The following SLC6A5 variants were observed in gnomAD, a reference collection of about 807,000 sequenced individuals.
SLC6A5 encodes the protein sodium- and chloride-dependent glycine transporter 2.
SLC6A5 carries 58 observed loss-of-function variants against 90.5 expected under a neutral mutation model. That is an observed-to-expected ratio of 0.64 (90% CI 0.52 to 0.80). The LOEUF (loss-of-function observed/expected upper bound fraction) is 0.80, where lower values mean the gene tolerates loss of function less well. Ranked by LOEUF, SLC6A5 falls within the 30% of genes least tolerant of loss-of-function variation. The probability of loss-of-function intolerance (pLI) is 0.00; values close to 1 mark genes in which losing one functional copy is unlikely to be tolerated. For missense variants in SLC6A5, 1,015 were observed against 1,017.6 expected, an observed-to-expected ratio of 1.00 and a Z score of 0.03; for synonymous variants, 427 against 401.4, an observed-to-expected ratio of 1.06 and a Z score of -0.76.
Position 20,601,550 on chromosome 11 carries a change from A to G in SLC6A5, c.425A>G (p.Glu142Gly), listed in dbSNP as rs1253870100. The G allele has an allele frequency of 1.2e-6, 2 of 1,614,142 alleles. No individual in the cohort carries two copies. The highest frequency in any genetic ancestry group is 1.7e-6 in the Non-Finnish European group (2 of 1,179,990). ...GTGAGTGTGGGCAAGGGCACCCTGG[A>G]GCGGAACAATACCCCTGTTGTGGGC... ...ANVSVGKGTL[E>G]RNNTPVVGWV... is the part of the protein sequence containing the mutation. The change falls in exon 2 of 16, where the codon GAG becomes GGG. Residue 142 changes from glutamate (E) to glycine (G), a missense_variant. Transcript: ENST00000525748.
chr11:20,601,245 T>C lies in SLC6A5; in HGVS notation c.120T>C (p.Leu40=), dbSNP rs1294463612. ...CCAGGACGAGCCCGGAGCAGGAGCT[T>C]CCCGCGGCTGCCGCCCCGCCGCCGC... is the stretch of plus-strand genomic sequence containing the variant. ...CAPRTSPEQE[L]PAAAAPPPPR... The change falls in exon 2 of 16, where the codon CTT becomes CTC. Residue 40 remains leucine, a synonymous_variant. Transcript: ENST00000525748. 1 of 1,582,764 alleles carries C rather than the reference T, an allele frequency of 6.3e-7. No individual in the cohort carries two copies. The highest frequency in any genetic ancestry group is 1.1e-5 in the South Asian group (1 of 88,908).
At chr11:20,643,055 T>A (rs1853343662) in intron 13 of SLC6A5, among the ~76,000 whole-genome samples, 1 of 152,140 alleles carries the variant, frequency 6.6e-6, no homozygotes, top group Admixed American at 6.5e-5. Context: ...CATGACCCCC[T>A]CCTCTTACAG....
At chr11:20,611,629 G>C (rs1565274679) in intron 5 of SLC6A5, among the ~76,000 whole-genome samples, 1 of 152,104 alleles carries the variant, frequency 6.6e-6, no homozygotes, top group Admixed American at 6.5e-5. Context: ...CTATCTCCTT[G>C]TTCAGTGGCT....
intron 15 of SLC6A5, among the ~76,000 whole-genome samples, chr11:20,654,357 G>A (rs1448727863): frequency 6.9e-6 from 1 of 144,620 alleles, no homozygotes; most frequent in Non-Finnish European, 1.6e-5. Context: ...GTTTGGCAGT[G>A]AAGAGAGAAG....
rs774730423 is a variant in SLC6A5, at chr11:20,626,832, C to A, written c.1385C>A (p.Thr462Lys). ...YFITPKWEKL[T>K]DATVWKDAAT... Reference sequence around the variant, plus strand: ...ATCACACCCAAGTGGGAGAAACTCACGGATGCCACGGTGGGCTTCTAATTT... The same window carrying A: ...ATCACACCCAAGTGGGAGAAACTCAAGGATGCCACGGTGGGCTTCTAATTT... The change falls in exon 8 of 16, where the codon ACG becomes AAG. Residue 462 changes from threonine (T) to lysine (K), a missense_variant. Around this residue, in one of 3 missense-constraint regions of SLC6A5, gnomAD observed 442 missense variants for 494.3 expected, o/e 0.89. Coordinates refer to ENST00000525748, the MANE Select transcript of SLC6A5 (RefSeq NM_004211.5). 6 of 1,613,720 alleles carry A rather than the reference C, an allele frequency of 3.7e-6. No individual in the cohort carries two copies. Among genetic ancestry groups the A allele is most frequent in the Non-Finnish European group, 5.1e-6 (6 of 1,179,734 alleles).
At chr11:20,618,053 T>A (rs568509020) in intron 7 of SLC6A5, among the ~76,000 whole-genome samples, 169 bp downstream of exon 7, 4 of 152,268 alleles carry the variant, frequency 2.6e-5, no homozygotes, top group African/African-American at 4.8e-5. Flanking sequence ...AAAATGGGGA[T>A]AATAACACCT....
intron 6 of SLC6A5, among the ~76,000 whole-genome samples, chr11:20,615,429 C>T (rs956038154): frequency 5.3e-5 from 8 of 152,074 alleles, no homozygotes; most frequent in African/African-American, 1.7e-4. Context: ...AGTGCAGTGG[C>T]GCGATCTCGG....
intron 7 of SLC6A5, among the ~76,000 whole-genome samples, chr11:20,624,249 G>A (rs946621435): frequency 1.3e-5 from 2 of 151,826 alleles, no homozygotes; most frequent in Admixed American, 6.6e-5. Context: ...TGCCTCCTGA[G>A]TTCAAGCAAT....
chr11:20,653,298 T>A (rs1309657255), intron 15 of SLC6A5, among the ~76,000 whole-genome samples: 1 of 152,212 alleles, frequency 6.6e-6, no homozygotes, highest in Non-Finnish European at 1.5e-5. Context: ...GAAATGCATA[T>A]GATCAGAATC....
chr11:20,601,735 G>T, intron 2 of SLC6A5, 70 bp downstream of exon 2: 2 of 1,522,086 alleles, frequency 1.3e-6, no homozygotes, highest in Non-Finnish European at 1.8e-6. Context: ...CAGCCGGGCC[G>T]TGGCGGGTGC....
chr11:20,607,439 T>A, intron 4 of SLC6A5, 40 bp from the exon 5 acceptor site: 1 of 1,611,406 alleles, frequency 6.2e-7, no homozygotes, highest in African/African-American at 1.3e-5. Flanking sequence ...TTCCATAGCA[T>A]TTAAGATGGA....
chr11:20,649,509 T>C (rs183325058), intron 14 of SLC6A5, among the ~76,000 whole-genome samples: 2 of 152,304 alleles, frequency 1.3e-5, no homozygotes, highest in African/African-American at 4.8e-5. Context: ...AAGTTTGATA[T>C]GATATTTGTG....
intron 5 of SLC6A5, among the ~76,000 whole-genome samples, chr11:20,610,387 A>T (rs1191783379): frequency 6.6e-6 from 1 of 152,216 alleles, no homozygotes; most frequent in African/African-American, 2.4e-5. Context: ...TTGCTGCAGG[A>T]ACGGTGACCT....
chr11:20,600,487 A>G (rs72944432), intron 1 of SLC6A5, among the ~76,000 whole-genome samples: 18,904 of 151,932 alleles, frequency 0.12, 1,408 homozygotes, highest in African/African-American at 0.21. Context: ...CGAGTTGTGT[A>G]AGATAACAAA....
intron 13 of SLC6A5, among the ~76,000 whole-genome samples, chr11:20,642,151 A>G (rs981435740): frequency 6.0e-5 from 9 of 149,876 alleles, no homozygotes; most frequent in African/African-American, 2.0e-4. Flanking sequence ...ATGAAGTTCA[A>G]TATGGTAGCT....
chr11:20,617,723 C>CT, intron 6 of SLC6A5, 29 bp from the exon 7 acceptor site: 2 of 1,606,330 alleles, frequency 1.2e-6, no homozygotes, highest in Middle Eastern at 1.9e-4. Context: ...CTTTCTATCA[C>CT]TCCCCCCATC....
intron 8 of SLC6A5, 61 bp from the exon 9 acceptor site, chr11:20,627,919 C>A (rs540855202): frequency 2.4e-6 from 3 of 1,258,450 alleles, no homozygotes; most frequent in Non-Finnish European, 3.5e-6. Flanking sequence ...GTGTGTGACT[C>A]CTCTCCCCTG....
rs767243852 is a variant in SLC6A5 at position 20,628,108 on chromosome 11, G to A, written c.1499+25G>A. The stretch of plus-strand genomic sequence containing the variant: ...GGTATGTAGAGGTACTACAAGATCT[G>A]GGCATAGCTGGTGAGTGGGACAGAA... On this transcript the variant is annotated intron_variant, in intron 9 of 15. Transcript: ENST00000525748. 3.9e-6 allele frequency: 6 copies of A among 1,550,634 alleles called. No homozygotes were observed. In the African/African-American group the frequency reaches 6.8e-5, roughly 18 times the overall value.
At chr11:20,641,768 G>C (rs1329996465) in intron 13 of SLC6A5, among the ~76,000 whole-genome samples, 1 of 152,110 alleles carries the variant, frequency 6.6e-6, no homozygotes, top group Non-Finnish European at 1.5e-5. Flanking sequence ...TTTTAAGAAT[G>C]TGGAGAGGGT....
Sources: gnomAD v4.1 joint callset for allele counts (sites outside exome capture counted in the v4.1 genomes callset) on GRCh38, gnomAD v4.1.1 for gene constraint, gnomAD v4.1.1 regional missense constraint, MANE v1.5 for transcripts, NCBI Gene and HGNC (gene_info 2026-07-23, HGNC 2026-07-21) for gene names.